The following ZC3H14 variants were observed in gnomAD, a reference collection of about 807,000 sequenced individuals.
ZC3H14 encodes zinc finger CCCH-type containing 14, also known as zinc finger CCCH domain-containing protein 14.
In ZC3H14, 31 loss-of-function variants were observed where a neutral mutation model predicts 92.4. That is an observed-to-expected ratio of 0.34 (90% CI 0.25 to 0.45). The LOEUF is 0.45. Ranked by LOEUF, ZC3H14 falls within the 20% of genes least tolerant of loss-of-function variation. The pLI is 1.00. For missense variants in ZC3H14, 781 were observed against 897.3 expected (o/e 0.87, Z 1.66); for synonymous variants, 321 against 300.9 (o/e 1.07, Z -0.69).
At position 88,611,761 on chromosome 14, in the gene ZC3H14, C is replaced by G. The variant is rs1463209302; in HGVS notation, c.*10C>G. 1 of 1,613,978 alleles carries G rather than the reference C, an allele frequency of 6.2e-7. No homozygotes were observed. The highest frequency in any genetic ancestry group is 1.3e-5 in the African/African-American group (1 of 75,030). ...TTCATTCAGCGAATAGCACCCAGTC[C>G]TGCCTGGCAGAAGATCATGCAGTTT... is the stretch of plus-strand genomic sequence containing the variant. On this transcript the variant is annotated 3_prime_UTR_variant, in exon 17 of 17. Transcript: ENST00000251038.
chr14:88,593,618 A>G (rs527318457), intron 9 of ZC3H14, among the ~76,000 whole-genome samples: 61 of 152,322 alleles, frequency 4.0e-4, no homozygotes, highest in Non-Finnish European at 8.4e-4. Context: ...AAGACAGTTT[A>G]TTGGCAAAAG....
intron 9 of ZC3H14, among the ~76,000 whole-genome samples, chr14:88,593,861 A>G (rs1049838731): frequency 6.6e-6 from 1 of 150,508 alleles, no homozygotes; most frequent in Admixed American, 6.7e-5. Context: ...ACTTCATCAA[A>G]ATTTAGTATT....
chr14:88,616,151 T>TA lies in ZC3H14; in HGVS notation c.*4400_*4401insA. Reference sequence around the variant, plus strand: ...TGAGAAAGTTACTAACCTGCAGTCATCACCTCCAGCACTAACAACATGTCG... The same window carrying TA: ...TGAGAAAGTTACTAACCTGCAGTCATACACCTCCAGCACTAACAACATGTCG... On this transcript the variant is annotated 3_prime_UTR_variant, in exon 17 of 17. Coordinates refer to ENST00000251038, the MANE Select transcript of ZC3H14 (RefSeq NM_024824.5). 1 of 1,613,882 alleles carries TA rather than the reference T, an allele frequency of 6.2e-7. No homozygotes were observed. The highest frequency in any genetic ancestry group is 8.5e-7 in the Non-Finnish European group (1 of 1,179,782).
Position 88,618,630 on chromosome 14 carries a change from A to G in ZC3H14, c.*6879A>G. The stretch of plus-strand genomic sequence containing the variant: ...AAGCAGAAGAACTTGCCACCTGGGT[A>G]TACAGTATTGGTACTGTACCTGGAG... On this transcript the variant is annotated 3_prime_UTR_variant, in exon 17 of 17. Transcript: ENST00000251038. The G allele has an allele frequency of 1.3e-6, 2 of 1,598,242 alleles. No individual in the cohort carries two copies. The highest frequency in any genetic ancestry group is 1.7e-6 in the Non-Finnish European group (2 of 1,173,210).
At chr14:88,590,569 T>C (rs1177057597) in intron 9 of ZC3H14, 1 of 152,248 alleles carries the variant, frequency 6.6e-6, no homozygotes, top group East Asian at 1.9e-4. Flanking sequence ...ACTCCCTCTT[T>C]TCTGAAGCTT....
chr14:88,605,949 CAG>C (rs1294519002), intron 12 of ZC3H14, among the ~76,000 whole-genome samples: 5 of 152,202 alleles, frequency 3.3e-5, no homozygotes, highest in Non-Finnish European at 5.9e-5. Context: ...AACATTTGCA[CAG>C]AGTGTCTGGC....
intron 9 of ZC3H14, chr14:88,590,253 A>G (rs2082954017): frequency 6.6e-6 from 1 of 152,348 alleles, no homozygotes; most frequent in African/African-American, 2.4e-5. Flanking sequence ...TCCATCCCAC[A>G]CAGCAGCAGC....
chr14:88,571,227 C>T (rs1182941310), intron 4 of ZC3H14, 103 bp downstream of exon 4: 16 of 1,049,554 alleles, frequency 1.5e-5, no homozygotes, highest in South Asian at 1.0e-4. Flanking sequence ...AATTTCAAAA[C>T]GGTTCATTTG....
At chr14:88,580,656 A>C (rs551671283) in intron 9 of ZC3H14, among the ~76,000 whole-genome samples, 1 of 152,356 alleles carries the variant, frequency 6.6e-6, no homozygotes. Context: ...GGAACAGAGC[A>C]AACATTAACT....
Position 88,620,933 on chromosome 14 carries a change from T to TA in ZC3H14, c.*9182_*9183insA, listed in dbSNP as rs1207049670. On this transcript the variant is annotated 3_prime_UTR_variant, in exon 17 of 17. Coordinates refer to ENST00000251038, the MANE Select transcript of ZC3H14 (RefSeq NM_024824.5). This position sits in a 1 kb window ranked among gnomAD's most constrained non-coding sequence, Gnocchi z 4.3. ...TCACTTTGTTTAACATCTTCTGCATTTAAAAAAAAAAAAAAAAAGAGTCAT... is the reference window on the plus strand; with the variant it reads ...TCACTTTGTTTAACATCTTCTGCATTATAAAAAAAAAAAAAAAAAGAGTCAT... The TA allele has an allele frequency of 2.3e-5, 33 of 1,429,136 alleles. No homozygotes were observed. The highest frequency in any genetic ancestry group is 5.7e-5 in the South Asian group (4 of 69,786). 88.5% of individuals were successfully genotyped at this position (1,429,136 alleles called of 1,614,324 possible).
chr14:88,612,296 T>C lies in ZC3H14; in HGVS notation c.*545T>C, dbSNP rs546453008. ...GTGAATTTAGTTTGAAAAGCATGAT[T>C]ATACAGGCCTCTCAGGCTGAGTGCT... On this transcript the variant is annotated 3_prime_UTR_variant, in exon 17 of 17. Coordinates refer to ENST00000251038, the MANE Select transcript of ZC3H14 (RefSeq NM_024824.5). 3 of 157,808 alleles carry C rather than the reference T, an allele frequency of 1.9e-5. No homozygotes were observed. In the East Asian group the frequency reaches 5.6e-4, roughly 29 times the overall value. The allele number at this position is 157,808 out of a possible 1,614,324, so 9.8% of individuals were successfully genotyped here.
chr14:88,607,614 A>C (rs2085677757), intron 13 of ZC3H14, among the ~76,000 whole-genome samples: 1 of 119,420 alleles, frequency 8.4e-6, no homozygotes. Context: ...TGTAACTACC[A>C]TCCCATCTCA....
chr14:88,604,955 T>C (rs768752191), intron 12 of ZC3H14, among the ~76,000 whole-genome samples: 8 of 152,220 alleles, frequency 5.3e-5, no homozygotes, highest in African/African-American at 7.2e-5. Context: ...TTTAATAGTT[T>C]ACAAAGTCGG....
Position 88,568,180 on chromosome 14 carries a change from G to C in ZC3H14, c.194+27G>C, listed in dbSNP as rs372760208. ...TATGTTTCTGAATTTTTGTGCCTCA[G>C]ACCAAAGTTTGGCACAAGCCTGAGT... On this transcript the variant is annotated intron_variant, in intron 3 of 16. Coordinates refer to ENST00000251038, the MANE Select transcript of ZC3H14 (RefSeq NM_024824.5). 9.4e-5 allele frequency: 150 copies of C among 1,596,082 alleles called. No individual in the cohort carries two copies. The East Asian group carries it at 2.5e-3, about 27-fold the overall frequency.
intron 10 of ZC3H14, among the ~76,000 whole-genome samples, chr14:88,598,657 C>T (rs1191824707): frequency 6.6e-6 from 1 of 152,196 alleles, no homozygotes; most frequent in Non-Finnish European, 1.5e-5. Context: ...GTGATTTTGT[C>T]GTAGCATCTT....
Position 88,568,023 on chromosome 14 carries a change from C to T in ZC3H14, c.80-16C>T, listed in dbSNP as rs534157932. ...TTGAGGAAACAAAGTTTTGATCTACCTTTCCTTTTAAATAGATGAAGAACT... is the reference window on the plus strand; with the variant it reads ...TTGAGGAAACAAAGTTTTGATCTACTTTTCCTTTTAAATAGATGAAGAACT... On this transcript the variant is annotated splice_polypyrimidine_tract_variant and intron_variant, in intron 2 of 16. Coordinates refer to ENST00000251038, the MANE Select transcript of ZC3H14 (RefSeq NM_024824.5). The T allele has an allele frequency of 1.6e-4, 251 of 1,607,378 alleles. 1 individual carries two copies. In the South Asian group the frequency reaches 2.0e-3, roughly 13 times the overall value.
At position 88,574,704 on chromosome 14, in the gene ZC3H14, T is replaced by G. The variant is rs977749047; in HGVS notation, c.873T>G (p.Phe291Leu). The G allele has an allele frequency of 2.8e-5, 45 of 1,613,982 alleles. No individual in the cohort carries two copies. Among genetic ancestry groups the G allele is most frequent in the Non-Finnish European group, 3.3e-5 (39 of 1,179,994 alleles). The change falls in exon 7 of 17, where the codon TTT (phenylalanine) becomes TTG (leucine). Residue 291 changes from phenylalanine (F) to leucine (L), a missense_variant. This residue lies in a region of ZC3H14 where 454 missense variants were observed against 438.5 expected (regional missense o/e 1.04). Coordinates refer to ENST00000251038, the MANE Select transcript of ZC3H14 (RefSeq NM_024824.5). ...TTATCTGATTGCAGGATGAAAACTT[T>G]CGGAAGAGAAAGTTGCCTGTGGTAA... ...SEKMSMEDEN[F>L]RKRKLPVVSS...
intron 9 of ZC3H14, chr14:88,594,914 T>C: frequency 1.2e-6 from 2 of 1,614,016 alleles, no homozygotes; most frequent in Non-Finnish European, 1.7e-6. Context: ...ATTTTGACAG[T>C]GGAAGCAAAT....
intron 14 of ZC3H14, 25 bp downstream of exon 14, chr14:88,609,428 A>G: frequency 6.2e-7 from 1 of 1,613,872 alleles, no homozygotes; most frequent in Non-Finnish European, 8.5e-7. Context: ...GTGCTACTAC[A>G]TTTGGGTAAA....
Sources: gnomAD v4.1 joint callset for allele counts (sites outside exome capture counted in the v4.1 genomes callset) on GRCh38, gnomAD v4.1.1 for gene constraint, gnomAD v4.1.1 regional missense constraint, Gnocchi (gnomAD v3.1) non-coding constraint, MANE v1.5 for transcripts, NCBI Gene and HGNC (gene_info 2026-07-23, HGNC 2026-07-21) for gene names.